Variants in PARVB observed in about 807,000 individuals in gnomAD.
PARVB encodes the protein parvin beta.
PARVB carries 46 observed loss-of-function variants against 47.0 expected under a neutral mutation model. That is an observed-to-expected ratio of 0.98 (90% confidence interval 0.77 to 1.25). The LOEUF is 1.25. Among genes scored for constraint, PARVB ranks in the 50% most tolerant of loss-of-function variants. The pLI is 0.00. For missense variants in PARVB, 473 were observed against 471.6 expected (o/e 1.00, Z -0.03); for synonymous variants, 196 against 196.3 (o/e 1.00, Z 0.01).
At chr22:44,163,951 TC>T (rs781449188) in intron 12 of PARVB, 21 bp downstream of exon 12, 3 of 1,597,324 alleles carry the variant, frequency 1.9e-6, no homozygotes, top group East Asian at 2.3e-5. Flanking sequence ...TGGCTCAGGT[TC>T]CCCCGGGAGA....
chr22:44,131,639 G>A lies in PARVB; in HGVS notation c.517+12G>A, dbSNP rs745999532. 4.4e-5 allele frequency: 71 copies of A among 1,603,548 alleles called. No individual in the cohort carries two copies. Among genetic ancestry groups the A allele is most frequent in the Admixed American group, 8.6e-5 (5 of 57,898 alleles). On this transcript the variant is annotated intron_variant, in intron 5 of 12. Coordinates refer to ENST00000338758, the MANE Select transcript of PARVB (RefSeq NM_013327.5). ...GTGGAGCGTGGACTGTGAGTTCCAC[G>A]CCACAGGGGGAGGGACTGTCTGGAG...
chr22:44,168,374 G>A, intron 12 of PARVB: 1 of 513,330 alleles, frequency 1.9e-6, no homozygotes, highest in Non-Finnish European at 3.5e-6. Context: ...CACCCCAGGT[G>A]CCTGTCCCCG....
At chr22:44,105,028 G>A (rs1394028298) in intron 3 of PARVB, 1 of 152,254 alleles carries the variant, frequency 6.6e-6, no homozygotes, top group African/African-American at 2.4e-5. Flanking sequence ...TTTCACCATG[G>A]GGTCATAGGC....
At chr22:44,033,595 G>A (rs1461488255) in intron 1 of PARVB, among the ~76,000 whole-genome samples, 1 of 152,174 alleles carries the variant, frequency 6.6e-6, no homozygotes, top group Non-Finnish European at 1.5e-5. Flanking sequence ...GAAGTGATGA[G>A]CTTGGTTTTG....
In PARVB at chr22:44,066,096, G is replaced by T. The variant is rs1034929120; in HGVS notation, c.113-27832G>T. The stretch of plus-strand genomic sequence containing the variant: ...GCTGCTAAAAAGGAATGAGAGTGGC[G>T]CTACAGCAAACATCTATTGAGCGCC... On this transcript the variant is annotated intron_variant, in intron 1 of 12. Transcript: ENST00000338758. Among the ~76,000 whole-genome samples, 3 of 152,290 alleles carry T rather than the reference G, an allele frequency of 2.0e-5. No individual in the cohort carries two copies. The East Asian group carries it at 5.8e-4, about 29-fold the overall frequency.
intron 3 of PARVB, among the ~76,000 whole-genome samples, chr22:44,100,357 G>A (rs2052414070): frequency 6.6e-6 from 1 of 152,164 alleles, no homozygotes; most frequent in Admixed American, 6.5e-5. Flanking sequence ...GACCAGTCTT[G>A]TGAACTCTTT....
chr22:44,068,332 C>A lies in PARVB; in HGVS notation c.113-25596C>A, dbSNP rs1341017239. On this transcript the variant is annotated intron_variant, in intron 1 of 12. Coordinates refer to ENST00000338758, the MANE Select transcript of PARVB (RefSeq NM_013327.5). This position sits in a 1 kb window ranked among gnomAD's most constrained non-coding sequence, Gnocchi z 4.1. ...AGGAACCCAGACCAGACAGAGAGCC[C>A]GCCTGTGTCACCTGGTAGGGAGGGG... 6.6e-6 allele frequency among the ~76,000 whole-genome samples: 1 copy of A among 152,108 alleles called. No homozygotes were observed. The highest frequency in any genetic ancestry group is 1.5e-5 in the Non-Finnish European group (1 of 68,018).
chr22:44,136,504 G>A lies in PARVB; in HGVS notation c.678G>A (p.Leu226=), dbSNP rs1323804627. Residue 226 remains leucine (L), a synonymous_variant, in exon 7 of 13, where the codon CTG becomes CTA. Coordinates refer to ENST00000338758, the MANE Select transcript of PARVB (RefSeq NM_013327.5). ...LLHSSHISEE[L]TTTTEMMMGR... ...ATTCCAGCCACATCTCGGAGGAGCT[G>A]ACCACAACTACAGAGTAAGTGGACC... The A allele has an allele frequency of 6.2e-7, 1 of 1,613,848 alleles. No individual in the cohort carries two copies. The highest frequency in any genetic ancestry group is 1.3e-5 in the African/African-American group (1 of 74,876).
rs566271792 is a variant in PARVB at position 44,161,416 on chromosome 22, C to G, written c.946-2442C>G. On this transcript the variant is annotated intron_variant, in intron 11 of 12. Coordinates refer to ENST00000338758, the MANE Select transcript of PARVB (RefSeq NM_013327.5). ...GCAACCCCCGCCTCCTGGGTTCAAG[C>G]GATTCTTCTGCCTCAGCCTCCTTAG... 2.6e-5 allele frequency among the ~76,000 whole-genome samples: 4 copies of G among 150,982 alleles called. No individual in the cohort carries two copies. In the East Asian group the frequency reaches 7.9e-4, roughly 30 times the overall value.
intron 2 of PARVB, among the ~76,000 whole-genome samples, chr22:44,098,578 G>A (rs1189514067): frequency 2.0e-5 from 3 of 152,118 alleles, no homozygotes; most frequent in African/African-American, 7.2e-5. Flanking sequence ...CCACATGGAG[G>A]ACGCCGGCCT....
In PARVB at chr22:44,114,539, TACTA is replaced by T. The variant is rs1404896233; in HGVS notation, c.274-4493_274-4490del. On this transcript the variant is annotated intron_variant, in intron 3 of 12. Transcript: ENST00000338758. ...CCCTGTACCAACACAGATACATTGT[TACTA>T]ACTAAGGCCCTGCACCAACACAGAT... is the stretch of plus-strand genomic sequence containing the variant. The T allele has an allele frequency of 6.7e-5, 5 of 74,272 alleles. 1 individual carries two copies. The highest frequency in any genetic ancestry group is 3.1e-4 in the African/African-American group (5 of 15,960). 4.6% of individuals were successfully genotyped at this position (74,272 alleles called of 1,614,324 possible).
chr22:44,153,011 T>C (rs1437659565), intron 10 of PARVB: 2 of 152,236 alleles, frequency 1.3e-5, no homozygotes, highest in East Asian at 3.8e-4. Flanking sequence ...GAGGGTTTTG[T>C]TCAGGCCTTT....
chr22:44,085,924 C>T (rs191836001), intron 1 of PARVB, among the ~76,000 whole-genome samples: 22 of 152,358 alleles, frequency 1.4e-4, no homozygotes, highest in Non-Finnish European at 2.4e-4. Context: ...TCTGCGCCAC[C>T]TGTTGACCTT....
intron 8 of PARVB, 83 bp from the exon 9 acceptor site, chr22:44,147,778 C>A: frequency 1.8e-6 from 2 of 1,121,198 alleles, no homozygotes; most frequent in South Asian, 1.2e-5. Flanking sequence ...CCTGAGGGAT[C>A]AGAAGCTGGC....
At chr22:44,110,472 A>G (rs1278719062) in intron 3 of PARVB, 2 of 152,102 alleles carry the variant, frequency 1.3e-5, no homozygotes, top group Admixed American at 1.3e-4. Flanking sequence ...CACAGTTTCG[A>G]CGACTGGAGC....
At chr22:44,135,648 C>A (rs145080667) in intron 6 of PARVB, among the ~76,000 whole-genome samples, 3 of 152,292 alleles carry the variant, frequency 2.0e-5, no homozygotes, top group East Asian at 3.9e-4. Context: ...GTACCACAAA[C>A]CAGGTGGCTT....
intron 1 of PARVB, among the ~76,000 whole-genome samples, chr22:44,052,959 CA>C (rs562294667): frequency 1.3e-5 from 2 of 152,108 alleles, no homozygotes; most frequent in East Asian, 3.9e-4. Context: ...CAAAACAAAA[CA>C]AAACAAAACA....
intron 2 of PARVB, among the ~76,000 whole-genome samples, chr22:44,096,856 C>T (rs920418370): frequency 3.9e-5 from 6 of 152,044 alleles, no homozygotes; most frequent in Non-Finnish European, 5.9e-5. Flanking sequence ...ACAGAGATAC[C>T]ACCCTGGCCT....
At chr22:44,024,252 G>A (rs1382725263), upstream of PARVB, 10 of 674,066 alleles carry the variant, frequency 1.5e-5, no homozygotes, top group Admixed American at 3.9e-4. Flanking sequence ...GGCGGGGGCC[G>A]GCGGCGGGGC....
Sources: gnomAD v4.1 joint callset for allele counts (sites outside exome capture counted in the v4.1 genomes callset) on GRCh38, gnomAD v4.1.1 for gene constraint, Gnocchi (gnomAD v3.1) non-coding constraint, MANE v1.5 for transcripts, NCBI Gene and HGNC (gene_info 2026-07-23, HGNC 2026-07-21) for gene names.